DPF3: variants seen among roughly 807,000 people sequenced by gnomAD.
DPF3 encodes zinc finger protein DPF3.
A neutral mutation model predicts 56.8 loss-of-function variants in DPF3; 18 were observed. The ratio of observed to expected loss-of-function variants is 0.32; its 90% CI spans 0.22 to 0.47. The LOEUF is 0.47. Ranked by LOEUF, DPF3 falls within the 20% of genes least tolerant of loss-of-function variation. The probability of loss-of-function intolerance (pLI) is 1.00; values close to 1 mark genes in which losing one functional copy is unlikely to be tolerated. For missense variants in DPF3, 403 were observed against 488.8 expected (o/e 0.82, Z 1.65); for synonymous variants, 188 against 180.2 (o/e 1.04, Z -0.35).
chr14:72,643,537 G>A (rs1885623301), intron 8 of DPF3, among the ~76,000 whole-genome samples: 1 of 152,240 alleles, frequency 6.6e-6, no homozygotes, highest in African/African-American at 2.4e-5. Flanking sequence ...GCCTATGGTG[G>A]TGTTACTGGG....
chr14:72,852,538 A>G (rs1189500660), intron 1 of DPF3, among the ~76,000 whole-genome samples: 5 of 152,196 alleles, frequency 3.3e-5, no homozygotes, highest in Non-Finnish European at 7.3e-5. Context: ...CCATCTTAGG[A>G]GAACCAATCC....
chr14:72,697,517 C>G (rs536171430), intron 6 of DPF3, among the ~76,000 whole-genome samples: 1 of 152,066 alleles, frequency 6.6e-6, no homozygotes, highest in East Asian at 1.9e-4. Context: ...CTGCAAACTG[C>G]GAGAAGTCTA....
intron 1 of DPF3, among the ~76,000 whole-genome samples, chr14:72,777,483 A>G (rs1891791409): frequency 6.6e-6 from 1 of 152,208 alleles, no homozygotes; most frequent in South Asian, 2.1e-4. Flanking sequence ...CACAGAAAAA[A>G]TCCACATGTT....
chr14:72,727,542 C>T (rs992388454), intron 4 of DPF3, among the ~76,000 whole-genome samples: 62 of 151,144 alleles, frequency 4.1e-4, no homozygotes, highest in Admixed American at 2.2e-3. Flanking sequence ...TACCATTGCA[C>T]TCCAGCCTGG....
chr14:72,649,013 C>G (rs1310533047), intron 8 of DPF3, among the ~76,000 whole-genome samples: 1 of 152,090 alleles, frequency 6.6e-6, no homozygotes, highest in East Asian at 1.9e-4. Context: ...GCTGGCTGCC[C>G]CTTCTTGGTC....
rs1267779420 is a variant in DPF3 at position 72,674,161 on chromosome 14, GCAC to G, written c.871+76_871+78del. On this transcript the variant is annotated intron_variant, in intron 8 of 10. Coordinates refer to ENST00000556509, the MANE Select transcript of DPF3 (RefSeq NM_001280542.3). ...CCATCGCTTCCCTCTCCAGTCTCCA[GCAC>G]CACAAGATGGAAGAGGAATGCAAGA... The G allele has an allele frequency of 4.0e-6, 6 of 1,512,894 alleles. No homozygotes were observed. The African/African-American group carries it at 8.3e-5, about 21-fold the overall frequency. 93.7% of individuals were successfully genotyped at this position (1,512,894 alleles called of 1,614,324 possible).
At chr14:72,814,596 C>A (rs1883202755) in intron 1 of DPF3, among the ~76,000 whole-genome samples, 1 of 152,152 alleles carries the variant, frequency 6.6e-6, no homozygotes, top group South Asian at 2.1e-4. Context: ...AGACGGATCT[C>A]TTGAGACCAG....
chr14:72,868,088 C>T (rs1159862384), intron 1 of DPF3, among the ~76,000 whole-genome samples: 1 of 152,142 alleles, frequency 6.6e-6, no homozygotes, highest in Non-Finnish European at 1.5e-5. Context: ...CTTTCATGTA[C>T]TAACTAGATA....
intron 6 of DPF3, among the ~76,000 whole-genome samples, chr14:72,699,740 T>C (rs1250075632): frequency 1.3e-5 from 2 of 152,018 alleles, no homozygotes; most frequent in Non-Finnish European, 2.9e-5. Context: ...TAAAGAAAGA[T>C]GAGGAGATTC....
intron 6 of DPF3, among the ~76,000 whole-genome samples, chr14:72,696,548 T>C (rs1331618892): frequency 6.6e-6 from 1 of 152,232 alleles, no homozygotes; most frequent in African/African-American, 2.4e-5. Flanking sequence ...GAGTGGCTCA[T>C]GAATGAATAC....
Position 72,703,582 on chromosome 14 carries a change from G to A in DPF3, c.605-10369C>T, listed in dbSNP as rs1459405958. 2.6e-5 allele frequency among the ~76,000 whole-genome samples: 4 copies of A among 152,196 alleles called. 1 individual carries two copies. Among genetic ancestry groups the A allele is most frequent in the East Asian group, 3.8e-4 (2 of 5,198 alleles). ...GTTTCCTGCCCTGCTGAGAAGCCGG[G>A]TAACAGAATGCAGGTGAACTCGGGA... On this transcript the variant is annotated intron_variant, in intron 6 of 10. Transcript: ENST00000556509.
chr14:72,641,380 G>A (rs1885560402), intron 8 of DPF3, among the ~76,000 whole-genome samples: 1 of 152,212 alleles, frequency 6.6e-6, no homozygotes, highest in African/African-American at 2.4e-5. Flanking sequence ...ATCATTTTCT[G>A]ATGTAGATTC....
At chr14:72,810,595 C>T (rs540921440) in intron 1 of DPF3, among the ~76,000 whole-genome samples, 71 of 84,406 alleles carry the variant, frequency 8.4e-4, no homozygotes, top group Non-Finnish European at 1.4e-3. Context: ...ACAGGAACTA[C>T]TCAGAAAGGG....
intron 6 of DPF3, among the ~76,000 whole-genome samples, chr14:72,705,691 C>G (rs1888374939): frequency 1.3e-5 from 2 of 152,210 alleles, no homozygotes; most frequent in Admixed American, 1.3e-4. Flanking sequence ...GCACATCCCA[C>G]ATTCCCTTCT....
At chr14:72,724,300 T>C (rs564713967) in intron 4 of DPF3, among the ~76,000 whole-genome samples, 12 of 151,456 alleles carry the variant, frequency 7.9e-5, no homozygotes, top group Non-Finnish European at 1.6e-4. Flanking sequence ...TTAAAGATAA[T>C]GAATTTTAAA....
intron 5 of DPF3, among the ~76,000 whole-genome samples, chr14:72,718,472 G>A (rs372228465): frequency 2.6e-5 from 4 of 152,134 alleles, no homozygotes. Context: ...TCACTCTCAC[G>A]CTCTCACAGG....
rs954428290 is a variant in DPF3 at position 72,611,849 on chromosome 14, A to G, written c.*7448T>C. ...GGATGCCTCCACCTGCTTGTCTTCTACTGAGGAACACGCATCCTCAACAGA... is the reference window on the plus strand; with the variant it reads ...GGATGCCTCCACCTGCTTGTCTTCTGCTGAGGAACACGCATCCTCAACAGA... On this transcript the variant is annotated 3_prime_UTR_variant, in exon 11 of 11. Transcript: ENST00000556509. Among the ~76,000 whole-genome samples the G allele has an allele frequency of 7.2e-5, 11 of 152,034 alleles. No homozygotes were observed. Among genetic ancestry groups the G allele is most frequent in the African/African-American group, 2.7e-4 (11 of 41,390 alleles).
intron 1 of DPF3, among the ~76,000 whole-genome samples, chr14:72,860,967 A>G (rs1885371554): frequency 6.6e-6 from 1 of 152,008 alleles, no homozygotes; most frequent in Admixed American, 6.6e-5. Context: ...GGCTTCCCCA[A>G]GTAGGAAAGA....
intron 3 of DPF3, among the ~76,000 whole-genome samples, chr14:72,737,061 T>C (rs1263027185): frequency 2.6e-5 from 4 of 151,772 alleles, no homozygotes; most frequent in Non-Finnish European, 4.4e-5. Context: ...GCACGATCCA[T>C]CACACCAGAG....
Sources: allele counts gnomAD v4.1 joint callset (sites outside exome capture counted in the v4.1 genomes callset), GRCh38; gene constraint gnomAD v4.1.1; transcripts MANE v1.5; gene names NCBI Gene and HGNC (gene_info 2026-07-23, HGNC 2026-07-21).